Variants in PCDHGB6 observed in about 807,000 individuals in gnomAD.
PCDHGB6 encodes the protein protocadherin gamma subfamily B, 6, also known as protocadherin gamma-B6.
PCDHGB6 carries 51 observed loss-of-function variants against 59.1 expected under a neutral mutation model. The observed-to-expected ratio is 0.86, with a 90% CI of 0.69 to 1.09. PCDHGB6 has a LOEUF of 1.09. PCDHGB6 is among the 50% of genes least tolerant of loss of function. The probability of loss-of-function intolerance (pLI) is 0.00; values close to 1 mark genes in which losing one functional copy is unlikely to be tolerated. For missense variants in PCDHGB6, 1,148 were observed against 1,205.1 expected, an observed-to-expected ratio of 0.95 and a Z score of 0.70; for synonymous variants, 466 against 495.1, an observed-to-expected ratio of 0.94 and a Z score of 0.78.
At position 141,409,749 on chromosome 5, in the gene PCDHGB6, C is replaced by T. The variant is rs1477022032; in HGVS notation, c.1547C>T (p.Ala516Val). The T allele has an allele frequency of 2.5e-6, 4 of 1,613,030 alleles. No homozygotes were observed. Among genetic ancestry groups the T allele is most frequent in the Admixed American group, 1.7e-5 (1 of 60,012 alleles). ...AGCGCGCAGAGCGGGGTGGTGTTCG[C>T]GCAGCGCGCCTTTGATCACGAGCAG... is the stretch of plus-strand genomic sequence containing the variant. ...SVSAQSGVVF[A>V]QRAFDHEQLR... The change falls in exon 1 of 4, where the codon GCG becomes GTG. Residue 516 changes from alanine to valine, a missense_variant. Ala to Val is a moderately conservative substitution (Grantham distance 64, BLOSUM62 0). Around this residue, in one of 5 missense-constraint regions of PCDHGB6, gnomAD observed 549 missense variants for 527.5 expected, o/e 1.04. Coordinates refer to ENST00000520790, the MANE Select transcript of PCDHGB6 (RefSeq NM_018926.3).
At chr5:141,450,836 T>A (rs991599340) in intron 1 of PCDHGB6, among the ~76,000 whole-genome samples, 2 of 149,760 alleles carry the variant, frequency 1.3e-5, no homozygotes, top group African/African-American at 4.9e-5. Flanking sequence ...ATTATTTTTT[T>A]TTTTTTGAGA....
At chr5:141,426,153 T>C (rs928934950) in intron 1 of PCDHGB6, 12 of 154,130 alleles carry the variant, frequency 7.8e-5, no homozygotes, top group African/African-American at 2.6e-4. Flanking sequence ...CTCCTGCAAA[T>C]CTGATTCCAT....
rs556415227 is a variant in PCDHGB6, at chr5:141,476,903, G to A, written c.2419-17904G>A. ...GGAGGATGCACCCTCCGGCACGCGC[G>A]TGGTACAAGTCCTTGCAACGGATCT... On this transcript the variant is annotated intron_variant, in intron 1 of 3. Transcript: ENST00000520790. This position sits in a 1 kb window ranked among gnomAD's most constrained non-coding sequence, Gnocchi z 7.6. The A allele has an allele frequency of 1.4e-5, 22 of 1,614,018 alleles. No homozygotes were observed. In the African/African-American group the frequency reaches 1.7e-4, roughly 13 times the overall value.
At chr5:141,502,377 C>A (rs748121694) in intron 2 of PCDHGB6, among the ~76,000 whole-genome samples, 14 of 151,904 alleles carry the variant, frequency 9.2e-5, no homozygotes, top group Non-Finnish European at 1.3e-4. Flanking sequence ...AGAGTCCAGG[C>A]CAGTTGTACT....
intron 2 of PCDHGB6, among the ~76,000 whole-genome samples, chr5:141,502,834 A>G (rs1398558120): frequency 6.7e-6 from 1 of 149,378 alleles, no homozygotes; most frequent in Non-Finnish European, 1.5e-5. Flanking sequence ...GGAAGCCTGG[A>G]CTGGCTGAGC....
chr5:141,491,507 C>A lies in PCDHGB6; in HGVS notation c.2419-3300C>A, dbSNP rs755899622. 1.9e-6 allele frequency: 3 copies of A among 1,614,038 alleles called. No individual in the cohort carries two copies. The highest frequency in any genetic ancestry group is 1.6e-4 in the Middle Eastern group (1 of 6,062). Reference sequence around the variant, plus strand: ...AACCTGCAGGTGAGCTCGGACGGCACGCTCAAGTACATGGAGGTGACGCTG... The same window carrying A: ...AACCTGCAGGTGAGCTCGGACGGCAAGCTCAAGTACATGGAGGTGACGCTG... On this transcript the variant is annotated intron_variant, in intron 1 of 3. Transcript: ENST00000520790. The surrounding 1 kb of genome is among the most constrained non-coding windows in gnomAD (Gnocchi z 6.9).
chr5:141,454,232 G>T (rs2098784520), intron 1 of PCDHGB6, among the ~76,000 whole-genome samples: 1 of 152,146 alleles, frequency 6.6e-6, no homozygotes, highest in African/African-American at 2.4e-5. Context: ...TAATTGTGAT[G>T]AAAAGGATGA....
intron 1 of PCDHGB6, among the ~76,000 whole-genome samples, chr5:141,425,003 T>C (rs75915888): frequency 0.036 from 5,431 of 152,274 alleles, 181 homozygotes; most frequent in African/African-American, 0.084. Context: ...AGTTTAGTTT[T>C]CTCATTTAGG....
Position 141,485,625 on chromosome 5 carries a change from G to T in PCDHGB6, c.2419-9182G>T. 6.2e-7 allele frequency: 1 copy of T among 1,611,968 alleles called. No individual in the cohort carries two copies. On this transcript the variant is annotated intron_variant, in intron 1 of 3. Transcript: ENST00000520790. This position sits in a 1 kb window ranked among gnomAD's most constrained non-coding sequence, Gnocchi z 5.7. ...GGGGAGGCAGCTCCTCCAGGACAGC[G>T]TTTCCCGTTGGAAAAGGCTCAGGAT...
At chr5:141,448,263 A>G (rs2098578874) in intron 1 of PCDHGB6, among the ~76,000 whole-genome samples, 1 of 152,088 alleles carries the variant, frequency 6.6e-6, no homozygotes, top group Non-Finnish European at 1.5e-5. Flanking sequence ...ATTTTACAGT[A>G]TATATACTGT....
rs1464482105 is a variant in PCDHGB6, at chr5:141,410,528, A to G, written c.2326A>G (p.Asn776Asp). ...FLKCSVPLHSNEDMVCSVSPG... is the reference protein window; with the variant it reads ...FLKCSVPLHSDEDMVCSVSPG... ...AAAATGCAGTGTGCCCCTACATTCC[A>G]ATGAAGACATGGTTTGCAGTGTTTC... The change falls in exon 1 of 4, where the codon AAT (asparagine) becomes GAT (aspartate). Residue 776 changes from asparagine (N) to aspartate (D), a missense_variant. Around this residue, in one of 5 missense-constraint regions of PCDHGB6, gnomAD observed 283 missense variants for 318.6 expected, o/e 0.89. Coordinates refer to ENST00000520790, the MANE Select transcript of PCDHGB6 (RefSeq NM_018926.3). 3 of 1,613,852 alleles carry G rather than the reference A, an allele frequency of 1.9e-6. No individual in the cohort carries two copies. The highest frequency in any genetic ancestry group is 2.5e-6 in the Non-Finnish European group (3 of 1,179,882).
intron 2 of PCDHGB6, among the ~76,000 whole-genome samples, chr5:141,500,768 A>C (rs2099802446): frequency 6.6e-6 from 1 of 152,180 alleles, no homozygotes; most frequent in African/African-American, 2.4e-5. Flanking sequence ...AACTCCTCTT[A>C]TGAATATACA....
chr5:141,420,111 C>T (rs747723647), intron 1 of PCDHGB6: 1 of 1,613,966 alleles, frequency 6.2e-7, no homozygotes, highest in African/African-American at 1.3e-5. Flanking sequence ...TTGCCCTATG[C>T]CTATAATTTT....
At chr5:141,435,730 T>C (rs913229799) in intron 1 of PCDHGB6, among the ~76,000 whole-genome samples, 1 of 152,226 alleles carries the variant, frequency 6.6e-6, no homozygotes, top group African/African-American at 2.4e-5. Context: ...TAAAGTGTAT[T>C]ACTCTTTGAA....
chr5:141,448,704 G>A (rs1272148301), intron 1 of PCDHGB6, among the ~76,000 whole-genome samples: 1 of 152,134 alleles, frequency 6.6e-6, no homozygotes. Flanking sequence ...ACTTTGGGAG[G>A]CCGAGGCGGG....
Position 141,487,322 on chromosome 5 carries a change from C to T in PCDHGB6, c.2419-7485C>T, listed in dbSNP as rs760334964. 7.4e-6 allele frequency: 12 copies of T among 1,614,134 alleles called. No homozygotes were observed. Among genetic ancestry groups the T allele is most frequent in the South Asian group, 3.3e-5 (3 of 91,082 alleles). ...CGTGGCACTACTCTCTAAGTGTCTT[C>T]GTGGGGCAGCCTGTGGAGTCACATG... On this transcript the variant is annotated intron_variant, in intron 1 of 3. Coordinates refer to ENST00000520790, the MANE Select transcript of PCDHGB6 (RefSeq NM_018926.3). The surrounding 1 kb of genome is among the most constrained non-coding windows in gnomAD (Gnocchi z 5.0).
chr5:141,490,009 A>T lies in PCDHGB6; in HGVS notation c.2419-4798A>T. Reference sequence around the variant, plus strand: ...TGTGGGAATCCCAGAGAATGCACCCATTGGTACTCTGCTGCTCCGCCTCAA... The same window carrying T: ...TGTGGGAATCCCAGAGAATGCACCCTTTGGTACTCTGCTGCTCCGCCTCAA... On this transcript the variant is annotated intron_variant, in intron 1 of 3. Transcript: ENST00000520790. The surrounding 1 kb of genome is among the most constrained non-coding windows in gnomAD (Gnocchi z 5.4). 5 of 1,614,214 alleles carry T rather than the reference A, an allele frequency of 3.1e-6. No individual in the cohort carries two copies. The highest frequency in any genetic ancestry group is 4.2e-6 in the Non-Finnish European group (5 of 1,180,032).
intron 1 of PCDHGB6, among the ~76,000 whole-genome samples, chr5:141,467,304 C>T (rs567912553): frequency 2.0e-5 from 3 of 152,266 alleles, no homozygotes; most frequent in Admixed American, 6.5e-5. Flanking sequence ...CCACTCACCT[C>T]GGCCTCCCAC....
intron 1 of PCDHGB6, among the ~76,000 whole-genome samples, chr5:141,465,409 A>G (rs1037916815): frequency 3.3e-5 from 5 of 152,188 alleles, no homozygotes; most frequent in African/African-American, 4.8e-5. Flanking sequence ...AAGAAGCCAA[A>G]TCAGCACTGA....
Sources: allele counts gnomAD v4.1 joint callset (sites outside exome capture counted in the v4.1 genomes callset), GRCh38; gene constraint gnomAD v4.1.1; regional missense constraint gnomAD v4.1.1; non-coding constraint Gnocchi (gnomAD v3.1); transcripts MANE v1.5; gene names NCBI Gene and HGNC (gene_info 2026-07-23, HGNC 2026-07-21).